Variants in AGBL4 observed in about 807,000 individuals in gnomAD.
AGBL4 encodes the protein cytosolic carboxypeptidase 6.
A neutral mutation model predicts 66.4 loss-of-function variants in AGBL4; 58 were observed. The ratio of observed to expected loss-of-function variants is 0.87; its 90% CI spans 0.71 to 1.09. AGBL4 has a LOEUF of 1.09. AGBL4 is among the 50% of genes least tolerant of loss of function. AGBL4 has a pLI of 0.00. For missense variants in AGBL4, 579 were observed against 631.0 expected, an observed-to-expected ratio of 0.92 and a Z score of 0.88; for synonymous variants, 234 against 222.9, an observed-to-expected ratio of 1.05 and a Z score of -0.44.
At chr1:49,502,840 A>C (rs1037826736) in intron 3 of AGBL4, among the ~76,000 whole-genome samples, 1 of 152,086 alleles carries the variant, frequency 6.6e-6, no homozygotes, top group African/African-American at 2.4e-5. Context: ...GCAGCAAAGC[A>C]CTCAAGAGGT....
At chr1:48,925,149 T>TAC (rs55896102) in intron 5 of AGBL4, among the ~76,000 whole-genome samples, 3,071 of 145,928 alleles carry the variant, frequency 0.021, 85 homozygotes, top group African/African-American at 0.063. Flanking sequence ...TATATATACA[T>TAC]ACACACACAC....
chr1:48,673,379 G>C (rs1177686787), intron 6 of AGBL4, among the ~76,000 whole-genome samples: 1 of 152,166 alleles, frequency 6.6e-6, no homozygotes, highest in Non-Finnish European at 1.5e-5. Flanking sequence ...CTGACCCTGA[G>C]TGGAAGATCT....
rs560131661 is a variant in AGBL4, at chr1:48,920,067, G to A, written c.595-52837C>T. ...TGAGCCCAGTGGTAAAAAAGAAGGG[G>A]CAGACTCTTGGCTGAAGATAGATTG... On this transcript the variant is annotated intron_variant, in intron 5 of 13. Coordinates refer to ENST00000371839, the MANE Select transcript of AGBL4 (RefSeq NM_032785.4). Among the ~76,000 whole-genome samples the A allele has an allele frequency of 2.6e-5, 4 of 152,322 alleles. No individual in the cohort carries two copies. In the South Asian group the frequency reaches 8.3e-4, roughly 32 times the overall value.
chr1:49,893,633 C>T (rs1350410506), intron 1 of AGBL4, among the ~76,000 whole-genome samples: 1 of 152,188 alleles, frequency 6.6e-6, no homozygotes, highest in African/African-American at 2.4e-5. Context: ...AGATGCTCCT[C>T]CACCAGTGGA....
At chr1:49,190,300 C>G (rs1301479035) in intron 4 of AGBL4, among the ~76,000 whole-genome samples, 1 of 152,196 alleles carries the variant, frequency 6.6e-6, no homozygotes, top group Non-Finnish European at 1.5e-5. Context: ...CTATAGCTCC[C>G]TTGTCTCCTC....
chr1:49,381,109 T>C (rs1644595826), intron 3 of AGBL4, among the ~76,000 whole-genome samples: 1 of 152,078 alleles, frequency 6.6e-6, no homozygotes, highest in African/African-American at 2.4e-5. Flanking sequence ...GACAAAGGGC[T>C]AATATCCAGA....
chr1:48,697,594 A>G (rs1646732097), intron 6 of AGBL4, among the ~76,000 whole-genome samples: 1 of 152,230 alleles, frequency 6.6e-6, no homozygotes, highest in African/African-American at 2.4e-5. Context: ...ACTAATCCAG[A>G]TGAATGGATC....
At chr1:49,967,778 A>T (rs752876344) in intron 1 of AGBL4, among the ~76,000 whole-genome samples, 1 of 152,152 alleles carries the variant, frequency 6.6e-6, no homozygotes, top group Admixed American at 6.5e-5. Context: ...TAGAGTAAAC[A>T]TCTTGGTTTC....
intron 6 of AGBL4, among the ~76,000 whole-genome samples, chr1:48,720,229 G>C (rs1360738342): frequency 6.6e-6 from 1 of 152,174 alleles, no homozygotes. Context: ...ACAATGATGG[G>C]ACAGCTTGAT....
At chr1:48,966,901 C>T (rs1658472695) in intron 5 of AGBL4, among the ~76,000 whole-genome samples, 1 of 152,026 alleles carries the variant, frequency 6.6e-6, no homozygotes, top group African/African-American at 2.4e-5. Context: ...GAGTCCAATT[C>T]AGGTCACATG....
At chr1:49,543,449 T>C (rs937425361) in intron 3 of AGBL4, among the ~76,000 whole-genome samples, 3 of 152,000 alleles carry the variant, frequency 2.0e-5, no homozygotes, top group African/African-American at 7.3e-5. Context: ...TGTAATGGTT[T>C]GTTCAGAGGA....
At chr1:48,953,287 C>T (rs1312478478) in intron 5 of AGBL4, among the ~76,000 whole-genome samples, 2 of 152,112 alleles carry the variant, frequency 1.3e-5, no homozygotes, top group Non-Finnish European at 1.5e-5. Context: ...GTACCAGATG[C>T]TACAGTTAAC....
chr1:48,798,520 C>T (rs549940950), intron 6 of AGBL4, among the ~76,000 whole-genome samples: 2 of 152,146 alleles, frequency 1.3e-5, no homozygotes, highest in East Asian at 3.9e-4. Context: ...TATTGCATTG[C>T]TTTTGTTTTT....
intron 1 of AGBL4, among the ~76,000 whole-genome samples, chr1:49,907,112 G>C (rs544531702): frequency 6.6e-6 from 1 of 152,080 alleles, no homozygotes; most frequent in East Asian, 1.9e-4. Flanking sequence ...TGTGATAAAA[G>C]TTCATATCAT....
chr1:49,271,516 G>GCA (rs57311875), intron 3 of AGBL4, among the ~76,000 whole-genome samples: 49,842 of 144,076 alleles, frequency 0.35, 10,343 homozygotes, highest in Middle Eastern at 0.48. Context: ...TTAAAAGATA[G>GCA]CACACACACA....
chr1:48,909,827 T>C (rs1214804895), intron 5 of AGBL4, among the ~76,000 whole-genome samples: 1 of 152,194 alleles, frequency 6.6e-6, no homozygotes, highest in African/African-American at 2.4e-5. Context: ...AAAGCATATA[T>C]AGAACTCCAG....
At chr1:49,116,422 C>T (rs147841470) in intron 4 of AGBL4, among the ~76,000 whole-genome samples, 156 of 152,264 alleles carry the variant, frequency 1.0e-3, no homozygotes, top group African/African-American at 3.6e-3. Context: ...ATCCTGTGTC[C>T]AAGTATTCTC....
intron 5 of AGBL4, among the ~76,000 whole-genome samples, chr1:48,887,508 G>A (rs754195077): frequency 2.6e-5 from 4 of 152,094 alleles, no homozygotes; most frequent in Non-Finnish European, 5.9e-5. Flanking sequence ...AGGTATTTTT[G>A]TTCCTAGCAC....
chr1:49,385,159 A>G (rs1201499392), intron 3 of AGBL4, among the ~76,000 whole-genome samples: 1 of 152,172 alleles, frequency 6.6e-6, no homozygotes, highest in Non-Finnish European at 1.5e-5. Flanking sequence ...GGAGGAAAAA[A>G]GGGGTTGTTC....
Sources: gnomAD v4.1 joint callset for allele counts (sites outside exome capture counted in the v4.1 genomes callset) on GRCh38, gnomAD v4.1.1 for gene constraint, MANE v1.5 for transcripts, NCBI Gene and HGNC (gene_info 2026-07-23, HGNC 2026-07-21) for gene names.